Variants in GPALPP1 observed in about 807,000 individuals in gnomAD.
The protein encoded by GPALPP1 is GPALPP motifs containing 1.
A neutral mutation model predicts 38.9 loss-of-function variants in GPALPP1; 30 were observed. That is an observed-to-expected ratio of 0.77 (90% CI 0.58 to 1.05). The LOEUF (loss-of-function observed/expected upper bound fraction) is 1.05, where lower values mean the gene tolerates loss of function less well. Among genes scored for constraint, GPALPP1 ranks in the 50% least tolerant of loss-of-function variants. The pLI, the probability that GPALPP1 is intolerant of heterozygous loss-of-function variation, is 0.00. For synonymous variants in GPALPP1, 120 were observed against 139.2 expected (o/e 0.86, Z 0.97); for missense variants, 384 against 408.8 (o/e 0.94, Z 0.52).
chr13:44,999,555 GGCGTATACTGACTGACACTTT>G, intron 1 of GPALPP1, among the ~76,000 whole-genome samples: 1 of 152,080 alleles, frequency 6.6e-6, no homozygotes, highest in East Asian at 1.9e-4. Context: ...TCTGTATTGT[GGCGTATACTGACTGACACTTT>G]TAATATTCTT....
chr13:45,025,051 T>C (rs1875739907), intron 7 of GPALPP1, among the ~76,000 whole-genome samples: 1 of 134,064 alleles, frequency 7.5e-6, no homozygotes, highest in Admixed American at 7.2e-5. Context: ...CTTGGTTGAC[T>C]GGTACACTGA....
chr13:45,002,057 G>GT (rs1873725969), intron 1 of GPALPP1: 1 of 152,304 alleles, frequency 6.6e-6, no homozygotes, highest in Non-Finnish European at 1.5e-5. Context: ...CAAGCTGACA[G>GT]TTTTTTGTTT....
At chr13:45,014,862 TAA>T (rs1173958277) in intron 4 of GPALPP1, 88 bp from the exon 5 acceptor site, 7 of 1,012,720 alleles carry the variant, frequency 6.9e-6, no homozygotes, top group African/African-American at 1.7e-5. Context: ...TTATGGATAA[TAA>T]GTTTCAGTTA....
At chr13:45,022,344 G>T (rs1875488760) in intron 7 of GPALPP1, among the ~76,000 whole-genome samples, 1 of 152,070 alleles carries the variant, frequency 6.6e-6, no homozygotes, top group Non-Finnish European at 1.5e-5. Context: ...AAAGGTTCCA[G>T]ATTTTGATTG....
chr13:44,995,641 C>T (rs1347593449), intron 1 of GPALPP1, among the ~76,000 whole-genome samples: 1 of 152,210 alleles, frequency 6.6e-6, no homozygotes, highest in South Asian at 2.1e-4. Context: ...AAAAATCCCA[C>T]ATCCCAAGAA....
chr13:45,015,568 C>G lies in GPALPP1; in HGVS notation c.677C>G (p.Thr226Ser), dbSNP rs759279965. Residue 226 changes from threonine to serine, a missense_variant, in exon 6 of 8, where the codon ACT (threonine) becomes AGT (serine). Thr to Ser is a moderately conservative substitution (Grantham distance 58). Transcript: ENST00000379151. The stretch of plus-strand genomic sequence containing the variant: ...GGAGATCGATCAATCTGGACAGATA[C>G]TCCAGCTGATAGGGAAAGGAAAGCT... ...TSGDRSIWTD[T>S]PADRERKAKE... 6.4e-7 allele frequency: 1 copy of G among 1,563,630 alleles called. No individual in the cohort carries two copies. Among genetic ancestry groups the G allele is most frequent in the South Asian group, 1.2e-5 (1 of 82,204 alleles).
At chr13:45,014,927 T>C in intron 4 of GPALPP1, 25 bp from the exon 5 acceptor site, 2 of 1,539,482 alleles carry the variant, frequency 1.3e-6, no homozygotes, top group Non-Finnish European at 8.8e-7. Context: ...GCTCTTGGTT[T>C]AAAGGTAATG....
chr13:44,997,987 A>T (rs1418538689), intron 1 of GPALPP1, among the ~76,000 whole-genome samples: 1 of 152,170 alleles, frequency 6.6e-6, no homozygotes, highest in South Asian at 2.1e-4. Context: ...CTGTCCAGTA[A>T]TCCTCACAGG....
downstream of GPALPP1, among the ~76,000 whole-genome samples, chr13:45,032,989 A>G (rs1295924304): frequency 4.0e-5 from 6 of 151,054 alleles, no homozygotes; most frequent in South Asian, 4.2e-4. Context: ...GTGAGCCAAG[A>G]TCGCGCCACT....
intron 6 of GPALPP1, among the ~76,000 whole-genome samples, chr13:45,016,204 G>T (rs9526029): frequency 0.59 from 89,399 of 152,004 alleles, 31,355 homozygotes; most frequent in Non-Finnish European, 0.78. Flanking sequence ...TGTAATCCCA[G>T]CACTTTCCAA....
downstream of GPALPP1, chr13:45,031,338 A>C (rs943479910): frequency 1.3e-5 from 2 of 152,148 alleles, no homozygotes; most frequent in Non-Finnish European, 2.9e-5. Context: ...ATTTTGTTAT[A>C]ATTTTTTCCC....
At chr13:45,036,973 A>G (rs1479846004) in exon 8 of GPALPP1, 1 of 152,188 alleles carries the variant, frequency 6.6e-6, no homozygotes, top group Non-Finnish European at 1.5e-5. Context: ...AAAAAAAGAA[A>G]GCAATAAAAT....
chr13:45,017,221 G>A (rs1874941049), intron 6 of GPALPP1, among the ~76,000 whole-genome samples: 1 of 152,208 alleles, frequency 6.6e-6, no homozygotes. Context: ...ATAATTGCCT[G>A]TGAAATAAAC....
intron 1 of GPALPP1, among the ~76,000 whole-genome samples, chr13:44,990,901 C>A (rs1330637616): frequency 6.6e-6 from 1 of 151,562 alleles, no homozygotes; most frequent in Non-Finnish European, 1.5e-5. Context: ...ACCAGCCTGG[C>A]CAACATGTTG....
chr13:45,032,078 T>G (rs1876224712), downstream of GPALPP1: 1 of 152,228 alleles, frequency 6.6e-6, no homozygotes, highest in Non-Finnish European at 1.5e-5. Context: ...CCAATAGATT[T>G]AGATGCTTCA....
chr13:45,009,772 G>A (rs543750523), intron 4 of GPALPP1, among the ~76,000 whole-genome samples: 1 of 152,308 alleles, frequency 6.6e-6, no homozygotes, highest in African/African-American at 2.4e-5. Context: ...TTCAACAAAT[G>A]CTCATAGAAC....
At position 45,024,306 on chromosome 13, in the gene GPALPP1, G is replaced by A. The variant is rs990991273; in HGVS notation, c.805-3479G>A. ...TGTGTGTGTGTGTGTGTGTGTGTGTGTGTTTTGAGACTGAGTCTCGCTCTG... is the reference window on the plus strand; with the variant it reads ...TGTGTGTGTGTGTGTGTGTGTGTGTATGTTTTGAGACTGAGTCTCGCTCTG... On this transcript the variant is annotated intron_variant, in intron 7 of 7. Coordinates refer to ENST00000379151, the MANE Select transcript of GPALPP1 (RefSeq NM_018559.5). 2.8e-5 allele frequency among the ~76,000 whole-genome samples: 4 copies of A among 145,242 alleles called. 1 individual carries two copies. Among genetic ancestry groups the A allele is most frequent in the Non-Finnish European group, 6.0e-5 (4 of 66,432 alleles).
intron 1 of GPALPP1, among the ~76,000 whole-genome samples, chr13:45,003,124 A>C (rs1369822926): frequency 6.6e-6 from 1 of 152,214 alleles, no homozygotes; most frequent in Non-Finnish European, 1.5e-5. Flanking sequence ...AGGCTTTGAA[A>C]TCAGACTCCT....
At chr13:45,024,164 T>TGTGTGC (rs1174650891) in intron 7 of GPALPP1, among the ~76,000 whole-genome samples, 26 of 35,686 alleles carry the variant, frequency 7.3e-4, no homozygotes, top group African/African-American at 1.7e-3. Flanking sequence ...TGTGTGTGTG[T>TGTGTGC]GTGTGTGTGT....
Sources: allele counts gnomAD v4.1 joint callset (sites outside exome capture counted in the v4.1 genomes callset), GRCh38; gene constraint gnomAD v4.1.1; transcripts MANE v1.5; gene names NCBI Gene and HGNC (gene_info 2026-07-23, HGNC 2026-07-21).